Variants in ANKAR observed in about 807,000 individuals in gnomAD.
The protein encoded by ANKAR is ankyrin and armadillo repeat containing, also known as ankyrin and armadillo repeat-containing protein.
In ANKAR, 136 loss-of-function variants were observed where a neutral mutation model predicts 146.2. That is an observed-to-expected ratio of 0.93 (90% CI 0.81 to 1.07). ANKAR has a LOEUF of 1.07. ANKAR is among the 50% of genes least tolerant of loss of function. The probability of loss-of-function intolerance (pLI) is 0.00; values close to 1 mark genes in which losing one functional copy is unlikely to be tolerated. For synonymous variants in ANKAR, 500 were observed against 575.8 expected, an observed-to-expected ratio of 0.87 and a Z score of 1.88; for missense variants, 1,567 against 1,679.9, an observed-to-expected ratio of 0.93 and a Z score of 1.18.
intron 10 of ANKAR, among the ~76,000 whole-genome samples, chr2:189,714,063 T>C (rs943689106): frequency 2.0e-5 from 3 of 152,186 alleles, no homozygotes; most frequent in African/African-American, 4.8e-5. Context: ...AAGAACTAAC[T>C]ATCCTAAATA....
At chr2:189,740,467 C>T (rs2043222722) in intron 19 of ANKAR, among the ~76,000 whole-genome samples, 1 of 152,138 alleles carries the variant, frequency 6.6e-6, no homozygotes, top group Admixed American at 6.5e-5. Flanking sequence ...ATACTCCACA[C>T]AGAAATATGA....
chr2:189,677,185 A>C, intron 2 of ANKAR, 94 bp downstream of exon 2: 586 of 1,287,052 alleles, frequency 4.6e-4, no homozygotes, highest in Middle Eastern at 5.6e-4. Flanking sequence ...CCCTGAGCTC[A>C]AGCCATTCAC....
At chr2:189,724,580 C>T (rs1346590263) in intron 12 of ANKAR, among the ~76,000 whole-genome samples, 1 of 151,902 alleles carries the variant, frequency 6.6e-6, no homozygotes, top group African/African-American at 2.4e-5. Context: ...CATAGCTATT[C>T]AATAAATATG....
chr2:189,729,094 A>G (rs1229168289), intron 15 of ANKAR, among the ~76,000 whole-genome samples: 1 of 152,232 alleles, frequency 6.6e-6, no homozygotes, highest in Non-Finnish European at 1.5e-5. Context: ...GACTGAAAGC[A>G]ATCTCTTTTT....
chr2:189,762,413 A>T, downstream of ANKAR: 1 of 202,516 alleles, frequency 4.9e-6, no homozygotes, highest in Non-Finnish European at 8.8e-6. Context: ...CAGGGATTAG[A>T]GATGAGCGAC....
downstream of ANKAR, chr2:189,750,788 T>C (rs2045050529): frequency 1.7e-6 from 1 of 588,818 alleles, no homozygotes; most frequent in Admixed American, 3.8e-5. Flanking sequence ...TGATGATTCT[T>C]AAATACTTAC....
downstream of ANKAR, chr2:189,761,785 T>C (rs1182392207): frequency 4.4e-6 from 4 of 903,340 alleles, no homozygotes; most frequent in East Asian, 1.2e-4. Flanking sequence ...GTAAAGGCTA[T>C]AGCAACATGG....
rs562256073 is a variant in ANKAR at position 189,700,283 on chromosome 2, C to T, written c.1708+3914C>T. Among the ~76,000 whole-genome samples, 14 of 152,294 alleles carry T rather than the reference C, an allele frequency of 9.2e-5. No individual in the cohort carries two copies. The South Asian group carries it at 2.7e-3, about 29-fold the overall frequency. ...CATTATCTCAACACTTTATTTTCCT[C>T]CGCACACTTCCTGCTTGCATAGTTT... On this transcript the variant is annotated intron_variant, in intron 7 of 22. Transcript: ENST00000684021.
At chr2:189,713,275 A>T (rs966164790) in intron 10 of ANKAR, among the ~76,000 whole-genome samples, 22 of 152,206 alleles carry the variant, frequency 1.4e-4, no homozygotes, top group African/African-American at 5.1e-4. Context: ...GAACACCACA[A>T]AGATACTCCT....
intron 10 of ANKAR, among the ~76,000 whole-genome samples, chr2:189,712,930 T>C (rs1367747872): frequency 6.6e-6 from 1 of 152,106 alleles, no homozygotes; most frequent in Non-Finnish European, 1.5e-5. Flanking sequence ...AGACCTTAAA[T>C]GACCAGATGG....
At chr2:189,711,553 T>G (rs1222634864) in intron 10 of ANKAR, among the ~76,000 whole-genome samples, 1 of 152,232 alleles carries the variant, frequency 6.6e-6, no homozygotes, top group African/African-American at 2.4e-5. Context: ...TACCTCTGCA[T>G]TTAGAACTTA....
downstream of ANKAR, among the ~76,000 whole-genome samples, chr2:189,748,743 T>C (rs1453195308): frequency 6.6e-6 from 1 of 152,196 alleles, no homozygotes; most frequent in Non-Finnish European, 1.5e-5. Flanking sequence ...ATTAAGTTTC[T>C]GTAGATATTT....
chr2:189,698,146 T>A (rs1249206834), intron 7 of ANKAR, among the ~76,000 whole-genome samples: 1 of 152,182 alleles, frequency 6.6e-6, no homozygotes, highest in Non-Finnish European at 1.5e-5. Context: ...ATTTGGTGCA[T>A]TTAAAAAGGC....
intron 8 of ANKAR, 87 bp from the exon 9 acceptor site, chr2:189,706,851 C>T: frequency 1.1e-6 from 1 of 944,592 alleles, no homozygotes; most frequent in Non-Finnish European, 1.6e-6. Flanking sequence ...GTAAGTCAGA[C>T]TACCTCCAAT....
chr2:189,708,591 C>G (rs1012778623), intron 9 of ANKAR, among the ~76,000 whole-genome samples: 2 of 152,056 alleles, frequency 1.3e-5, no homozygotes, highest in African/African-American at 4.8e-5. Flanking sequence ...AAACTGTGGG[C>G]TAATGTAGTT....
intron 7 of ANKAR, among the ~76,000 whole-genome samples, chr2:189,704,739 A>C: frequency 6.6e-6 from 1 of 150,556 alleles, no homozygotes; most frequent in African/African-American, 2.4e-5. Context: ...TTTTTTAAAT[A>C]TTTAATATTT....
At chr2:189,724,519 T>C (rs1442955592) in intron 12 of ANKAR, among the ~76,000 whole-genome samples, 1 of 152,208 alleles carries the variant, frequency 6.6e-6, no homozygotes, top group East Asian at 1.9e-4. Context: ...TCAAGGACCT[T>C]GTTTTGTTGG....
chr2:189,685,836 G>A (rs988792435), intron 2 of ANKAR, among the ~76,000 whole-genome samples: 10 of 152,286 alleles, frequency 6.6e-5, no homozygotes, highest in African/African-American at 2.4e-4. Context: ...CAGCACAACT[G>A]CTCCTCCCAA....
chr2:189,755,625 C>T (rs1238119191), intron 18 of ANKAR: 4 of 1,493,100 alleles, frequency 2.7e-6, no homozygotes, highest in Non-Finnish European at 3.6e-6. Context: ...AATGATATTA[C>T]AGCTAAAAGC....
Sources: allele counts gnomAD v4.1 joint callset (sites outside exome capture counted in the v4.1 genomes callset), GRCh38; gene constraint gnomAD v4.1.1; transcripts MANE v1.5; gene names NCBI Gene and HGNC (gene_info 2026-07-23, HGNC 2026-07-21).